The following ESRRG variants were observed in gnomAD, a reference collection of about 807,000 sequenced individuals.
The protein encoded by ESRRG is estrogen-related receptor gamma.
A neutral mutation model predicts 44.0 loss-of-function variants in ESRRG; 13 were observed. The ratio of observed to expected loss-of-function variants is 0.30; its 90% CI spans 0.19 to 0.47. The LOEUF (loss-of-function observed/expected upper bound fraction) is 0.47. ESRRG is among the 20% of genes least tolerant of loss of function. The pLI is 1.00. For missense variants in ESRRG, 395 were observed against 580.6 expected (o/e 0.68, Z 3.29); for synonymous variants, 215 against 214.6 (o/e 1.00, Z -0.02).
chr1:216,715,828 A>G (rs956990304), intron 1 of ESRRG, among the ~76,000 whole-genome samples: 1 of 152,074 alleles, frequency 6.6e-6, no homozygotes, highest in South Asian at 2.1e-4. Context: ...TCTTTAATGA[A>G]TCCTTTGTTC....
intron 1 of ESRRG, among the ~76,000 whole-genome samples, chr1:216,971,039 G>C (rs1324138786): frequency 6.6e-6 from 1 of 152,160 alleles, no homozygotes; most frequent in Non-Finnish European, 1.5e-5. Context: ...TCATTCAGGT[G>C]ACAGGACATT....
chr1:216,647,435 A>G (rs1160640069), intron 3 of ESRRG, among the ~76,000 whole-genome samples: 1 of 152,162 alleles, frequency 6.6e-6, no homozygotes, highest in Non-Finnish European at 1.5e-5. Flanking sequence ...GTTGTAGTGT[A>G]GCATTTTGTT....
intron 5 of ESRRG, among the ~76,000 whole-genome samples, chr1:216,536,135 T>A (rs1010669989): frequency 2.0e-5 from 3 of 152,132 alleles, no homozygotes. Context: ...TTTAATGTAA[T>A]ACTTTAAATA....
intron 2 of ESRRG, among the ~76,000 whole-genome samples, chr1:216,936,115 G>A (rs2064109325): frequency 6.6e-6 from 1 of 151,996 alleles, no homozygotes; most frequent in Admixed American, 6.6e-5. Context: ...AGACACTCCT[G>A]TCAAACAGGA....
At chr1:216,888,229 A>G (rs937741296) in intron 2 of ESRRG, among the ~76,000 whole-genome samples, 1 of 152,186 alleles carries the variant, frequency 6.6e-6, no homozygotes, top group Non-Finnish European at 1.5e-5. Flanking sequence ...TTCTCATGGC[A>G]ACAATTCGTT....
At chr1:216,796,350 G>T (rs775446301) in intron 2 of ESRRG, among the ~76,000 whole-genome samples, 1 of 152,082 alleles carries the variant, frequency 6.6e-6, no homozygotes, top group African/African-American at 2.4e-5. Context: ...TGGAGAAAAA[G>T]AATGTTCTAG....
At chr1:216,907,586 C>T (rs1051812428) in intron 2 of ESRRG, among the ~76,000 whole-genome samples, 7 of 152,170 alleles carry the variant, frequency 4.6e-5, no homozygotes, top group Non-Finnish European at 1.0e-4. Flanking sequence ...CAAGGAATAG[C>T]GCCTTCCCTT....
At chr1:216,850,389 AT>A (rs1453363925) in intron 2 of ESRRG, among the ~76,000 whole-genome samples, 1 of 152,090 alleles carries the variant, frequency 6.6e-6, no homozygotes, top group Non-Finnish European at 1.5e-5. Context: ...TAGTATAAAC[AT>A]ATTATTTTTG....
intron 1 of ESRRG, among the ~76,000 whole-genome samples, chr1:216,683,879 C>T (rs2077469927): frequency 6.6e-6 from 1 of 151,940 alleles, no homozygotes. Flanking sequence ...TAGTAAAATC[C>T]CATGTCCTGG....
intron 1 of ESRRG, among the ~76,000 whole-genome samples, chr1:216,968,319 T>G (rs2070884415): frequency 6.6e-6 from 1 of 152,174 alleles, no homozygotes; most frequent in Non-Finnish European, 1.5e-5. Context: ...CAAAGTCATT[T>G]ACATTTTCTC....
chr1:216,846,231 C>T (rs995647830), intron 2 of ESRRG, among the ~76,000 whole-genome samples: 3 of 152,108 alleles, frequency 2.0e-5, no homozygotes, highest in East Asian at 1.9e-4. Flanking sequence ...AATATTTCCA[C>T]GTCTTTACGT....
rs543867286 is a variant in ESRRG at position 216,887,135 on chromosome 1, G to A, written c.-14+52447C>T. On this transcript the variant is annotated intron_variant, in intron 2 of 7. Transcript: ENST00000359162. ...TTCAGATTTAAAACCGATCGTCCAA[G>A]TGGCAATTAATTTGTCCACAGTCAT... Among the ~76,000 whole-genome samples, 4 of 152,182 alleles carry A rather than the reference G, an allele frequency of 2.6e-5. No homozygotes were observed. In the South Asian group the frequency reaches 6.2e-4, roughly 24 times the overall value.
At chr1:217,118,141 C>T (rs1038624077) in intron 1 of ESRRG, among the ~76,000 whole-genome samples, 8 of 152,190 alleles carry the variant, frequency 5.3e-5, no homozygotes, top group Non-Finnish European at 8.8e-5. Flanking sequence ...ACTACTCACC[C>T]CTTCATCCAT....
At chr1:216,704,436 G>A (rs2082062242) in intron 1 of ESRRG, among the ~76,000 whole-genome samples, 1 of 152,112 alleles carries the variant, frequency 6.6e-6, no homozygotes, top group African/African-American at 2.4e-5. Context: ...AGAATCGTTT[G>A]AACCCAGGAG....
chr1:217,076,524 C>T (rs1396934996), intron 1 of ESRRG, among the ~76,000 whole-genome samples: 4 of 152,142 alleles, frequency 2.6e-5, no homozygotes, highest in Non-Finnish European at 4.4e-5. Flanking sequence ...ATCTGGTCCT[C>T]GTAGAACTCA....
chr1:216,727,591 A>C (rs11117666), upstream of ESRRG, among the ~76,000 whole-genome samples: 1 of 152,020 alleles, frequency 6.6e-6, no homozygotes, highest in Admixed American at 6.6e-5. Context: ...ACTTTACACT[A>C]TATTACCACC....
chr1:216,773,084 T>A (rs1326707093), intron 2 of ESRRG, among the ~76,000 whole-genome samples: 1 of 151,972 alleles, frequency 6.6e-6, no homozygotes, highest in Non-Finnish European at 1.5e-5. Context: ...GGCAGAGAAG[T>A]CAAACAAACA....
intron 6 of ESRRG, among the ~76,000 whole-genome samples, chr1:216,514,112 C>G (rs1430517013): frequency 6.6e-6 from 1 of 152,050 alleles, no homozygotes; most frequent in African/African-American, 2.4e-5. Flanking sequence ...TGCCAAGACA[C>G]AGTGACCATT....
At chr1:217,044,579 T>C (rs2084503898) in intron 1 of ESRRG, among the ~76,000 whole-genome samples, 1 of 152,140 alleles carries the variant, frequency 6.6e-6, no homozygotes, top group Non-Finnish European at 1.5e-5. Flanking sequence ...AGCTTACCAG[T>C]GAGACTAAAG....
Sources: allele counts gnomAD v4.1 joint callset (sites outside exome capture counted in the v4.1 genomes callset), GRCh38; gene constraint gnomAD v4.1.1; transcripts MANE v1.5; gene names NCBI Gene and HGNC (gene_info 2026-07-23, HGNC 2026-07-21).